Variants in DAOA observed in about 807,000 individuals in gnomAD.
DAOA encodes the protein D-amino acid oxidase regulator.
A neutral mutation model predicts 16.4 loss-of-function variants in DAOA; 15 were observed. The observed-to-expected ratio is 0.91, with a 90% CI of 0.61 to 1.41. The LOEUF (loss-of-function observed/expected upper bound fraction) is 1.41. DAOA is among the 40% of genes most tolerant of loss of function. DAOA has a pLI of 0.00. For synonymous variants in DAOA, 75 were observed against 59.1 expected (o/e 1.27, Z -1.23); for missense variants, 230 against 176.8 (o/e 1.30, Z -1.71).
chr13:105,484,331 A>G (rs1877962924), intron 4 of DAOA, among the ~76,000 whole-genome samples: 1 of 152,138 alleles, frequency 6.6e-6, no homozygotes, highest in Non-Finnish European at 1.5e-5. Context: ...TTGCGTTTAC[A>G]TAGGAATTTT....
At position 105,467,101 on chromosome 13, in the gene DAOA, C is replaced by T. The variant is rs888020952; in HGVS notation, c.93C>T (p.Ser31=). 6.2e-7 allele frequency: 1 copy of T among 1,610,598 alleles called. No individual in the cohort carries two copies. The highest frequency in any genetic ancestry group is 2.2e-5 in the East Asian group (1 of 44,656). Residue 31 remains serine (S), a synonymous_variant, in exon 3 of 6, where the codon AGC becomes AGT. Transcript: ENST00000375936. ...GKIYFIGFQR[S]ILLSKSENSL... ...TCTACTTCATAGGTTTTCAAAGGAG[C>T]ATTCTTCTGAGCAAATCTGAAAACT...
intron 3 of DAOA, among the ~76,000 whole-genome samples, chr13:105,471,598 G>C (rs1049646798): frequency 1.3e-5 from 2 of 152,134 alleles, no homozygotes; most frequent in African/African-American, 4.8e-5. Flanking sequence ...TTAAAGACAT[G>C]GTAAGCTCAT....
intron 4 of DAOA, chr13:105,477,067 C>A (rs773757498): frequency 2.0e-5 from 3 of 152,314 alleles, no homozygotes; most frequent in Middle Eastern, 3.4e-3. Context: ...CTCCTGTCTG[C>A]CTCCTGTAGT....
intron 4 of DAOA, among the ~76,000 whole-genome samples, chr13:105,486,818 C>T (rs902083549): frequency 6.6e-6 from 1 of 152,062 alleles, no homozygotes; most frequent in Non-Finnish European, 1.5e-5. Flanking sequence ...TGAGGTTTCA[C>T]CATGTTGGCC....
Position 105,466,921 on chromosome 13 carries a change from A to C in DAOA, c.45-132A>C, listed in dbSNP as rs1303864052. 8 of 1,205,422 alleles carry C rather than the reference A, an allele frequency of 6.6e-6. No individual in the cohort carries two copies. In the Admixed American group the frequency reaches 1.4e-4, roughly 22 times the overall value. 74.7% of individuals were successfully genotyped at this position (1,205,422 alleles called of 1,614,324 possible). On this transcript the variant is annotated intron_variant, in intron 2 of 5. Transcript: ENST00000375936. ...TAAAAAAATAAGACGTATTTGGCTG[A>C]ATAGTTAAGATTAAAAATATGAAAG...
intron 3 of DAOA, among the ~76,000 whole-genome samples, chr13:105,470,840 G>A (rs569852535): frequency 6.6e-6 from 1 of 151,692 alleles, no homozygotes; most frequent in South Asian, 2.1e-4. Flanking sequence ...GCCCAGGCTC[G>A]AGTGCAGTGA....
intron 5 of DAOA, chr13:105,490,700 C>T (rs534225591): frequency 6.8e-4 from 103 of 151,554 alleles, no homozygotes; most frequent in African/African-American, 2.4e-3. Flanking sequence ...TTCTTATGTC[C>T]TAAGGTTATT....
intron 4 of DAOA, among the ~76,000 whole-genome samples, chr13:105,484,831 A>T (rs1488316146): frequency 1.3e-5 from 2 of 152,168 alleles, no homozygotes; most frequent in African/African-American, 4.8e-5. Flanking sequence ...TCAAATTTCA[A>T]TATCAAATTA....
At position 105,477,327 on chromosome 13, in the gene DAOA, C is replaced by T. The variant is rs1022176750; in HGVS notation, c.281+4642C>T. On this transcript the variant is annotated intron_variant, in intron 4 of 5. Coordinates refer to ENST00000375936, the MANE Select transcript of DAOA (RefSeq NM_172370.5). ...TACTCTCCCTAAATTATACTTCCTC[C>T]GGTGCAGATTAATTAGTGATTTACT... 5.9e-5 allele frequency: 9 copies of T among 152,254 alleles called. No individual in the cohort carries two copies. In the East Asian group the frequency reaches 7.7e-4, roughly 13 times the overall value. The allele number at this position is 152,254 out of a possible 1,614,324, so 9.4% of individuals were successfully genotyped here.
chr13:105,483,391 A>C (rs1877885154), intron 4 of DAOA, among the ~76,000 whole-genome samples: 1 of 152,184 alleles, frequency 6.6e-6, no homozygotes, highest in Admixed American at 6.5e-5. Context: ...ATCTAATAGT[A>C]GTTGGATAGA....
intron 4 of DAOA, among the ~76,000 whole-genome samples, chr13:105,473,152 T>TGA (rs1234854965): frequency 1.0e-5 from 1 of 96,102 alleles, no homozygotes; most frequent in Admixed American, 1.2e-4. Flanking sequence ...ACTGCCTACG[T>TGA]GAGAGTGTGT....
chr13:105,466,612 C>T (rs1235128538), intron 2 of DAOA, among the ~76,000 whole-genome samples: 1 of 152,206 alleles, frequency 6.6e-6, no homozygotes, highest in Non-Finnish European at 1.5e-5. Flanking sequence ...TAATCCACAG[C>T]AGGCAGACAG....
Position 105,467,192 on chromosome 13 carries a change from T to C in DAOA, c.133+51T>C, listed in dbSNP as rs369579094. On this transcript the variant is annotated intron_variant, in intron 3 of 5. Coordinates refer to ENST00000375936, the MANE Select transcript of DAOA (RefSeq NM_172370.5). ...AATTTAAATTCTTCTAGAAGTTAGA[T>C]AAAACTGTGGTAAAGCTACATAATA... 31 of 1,508,316 alleles carry C rather than the reference T, an allele frequency of 2.1e-5. No homozygotes were observed. In the African/African-American group the frequency reaches 3.7e-4, roughly 18 times the overall value. The allele number at this position is 1,508,316 out of a possible 1,614,324, so 93.4% of individuals were successfully genotyped here.
intron 4 of DAOA, among the ~76,000 whole-genome samples, chr13:105,484,070 A>G (rs959881984): frequency 2.0e-5 from 3 of 152,160 alleles, no homozygotes; most frequent in African/African-American, 7.2e-5. Flanking sequence ...TGGATCAAAG[A>G]TTAACCGTTT....
chr13:105,475,165 C>G lies in DAOA; in HGVS notation c.281+2480C>G, dbSNP rs533758965. On this transcript the variant is annotated intron_variant, in intron 4 of 5. Transcript: ENST00000375936. ...ATCTCCAGACTCCTGGGCCTTCATTCTTAAACCACACTCTCATTTAATATA... is the reference window on the plus strand; with the variant it reads ...ATCTCCAGACTCCTGGGCCTTCATTGTTAAACCACACTCTCATTTAATATA... 109 of 411,080 alleles carry G rather than the reference C, an allele frequency of 2.7e-4. 1 individual carries two copies. The Middle Eastern group carries it at 3.7e-3, about 14-fold the overall frequency. The allele number at this position is 411,080 out of a possible 1,614,324, so 25.5% of individuals were successfully genotyped here.
chr13:105,472,069 G>A (rs1409152577), intron 3 of DAOA, among the ~76,000 whole-genome samples: 2 of 152,184 alleles, frequency 1.3e-5, no homozygotes, highest in Non-Finnish European at 2.9e-5. Context: ...CAACACCGGA[G>A]GAAAGGCCCC....
intron 4 of DAOA, among the ~76,000 whole-genome samples, chr13:105,476,934 A>G (rs1440103148): frequency 6.6e-6 from 1 of 152,114 alleles, no homozygotes; most frequent in Non-Finnish European, 1.5e-5. Context: ...GAGCGTTTTC[A>G]TAGCCCTCTG....
chr13:105,472,527 T>A lies in DAOA; in HGVS notation c.134-11T>A. ...AATATGTATTATATATCCACTTAAA[T>A]ACTGTTGCAGCAAAGGAGACAGAAG... is the stretch of plus-strand genomic sequence containing the variant. On this transcript the variant is annotated splice_polypyrimidine_tract_variant and intron_variant, in intron 3 of 5. Transcript: ENST00000375936. The A allele has an allele frequency of 6.2e-7, 1 of 1,612,394 alleles. No individual in the cohort carries two copies. Among genetic ancestry groups the A allele is most frequent in the Non-Finnish European group, 8.5e-7 (1 of 1,179,108 alleles).
chr13:105,469,784 G>A (rs912096706), intron 3 of DAOA, among the ~76,000 whole-genome samples: 1 of 152,140 alleles, frequency 6.6e-6, no homozygotes, highest in African/African-American at 2.4e-5. Flanking sequence ...TGTGATGTGT[G>A]GGGAACCAAC....
Sources: allele counts gnomAD v4.1 joint callset (sites outside exome capture counted in the v4.1 genomes callset), GRCh38; gene constraint gnomAD v4.1.1; transcripts MANE v1.5; gene names NCBI Gene and HGNC (gene_info 2026-07-23, HGNC 2026-07-21).